RAD51B: variants seen among roughly 807,000 people sequenced by gnomAD.
RAD51B encodes the protein RAD51 paralog B, also known as DNA repair protein RAD51 homolog 2.
A neutral mutation model predicts 42.2 loss-of-function variants in RAD51B; 38 were observed. The ratio of observed to expected loss-of-function variants is 0.90; its 90% confidence interval spans 0.70 to 1.18. RAD51B has a LOEUF of 1.18. Among genes scored for constraint, RAD51B ranks in the 50% most tolerant of loss-of-function variants. RAD51B has a pLI of 0.00. For missense variants in RAD51B, 373 were observed against 400.7 expected (o/e 0.93, Z 0.59); for synonymous variants, 154 against 145.2 (o/e 1.06, Z -0.43).
chr14:68,548,068 G>A (rs1408114574), intron 10 of RAD51B, among the ~76,000 whole-genome samples: 1 of 152,186 alleles, frequency 6.6e-6, no homozygotes, highest in Non-Finnish European at 1.5e-5. Flanking sequence ...AGAGTTTAAG[G>A]GGAGGGAGGC....
At chr14:68,655,806 A>G (rs1238917945) in intron 11 of RAD51B, among the ~76,000 whole-genome samples, 1 of 152,224 alleles carries the variant, frequency 6.6e-6, no homozygotes, top group Non-Finnish European at 1.5e-5. Context: ...ACCAGCTTCC[A>G]TCTTACAGAT....
chr14:68,416,256 A>G (rs1045685365), intron 9 of RAD51B, among the ~76,000 whole-genome samples: 4 of 152,168 alleles, frequency 2.6e-5, no homozygotes, highest in Non-Finnish European at 5.9e-5. Flanking sequence ...TGTCCATTTT[A>G]TATTTTCGAA....
chr14:68,195,938 G>A (rs922476273), intron 7 of RAD51B, among the ~76,000 whole-genome samples: 2 of 149,120 alleles, frequency 1.3e-5, no homozygotes, highest in Admixed American at 1.3e-4. Context: ...ACAATTAGGG[G>A]CCAGGTGCAA....
At chr14:68,170,203 G>A (rs2078842907) in intron 7 of RAD51B, among the ~76,000 whole-genome samples, 2 of 152,314 alleles carry the variant, frequency 1.3e-5, no homozygotes, top group South Asian at 2.1e-4. Flanking sequence ...CTAGGAAAAT[G>A]TTGGTGGTTT....
intron 4 of RAD51B, among the ~76,000 whole-genome samples, chr14:67,852,832 G>T (rs952392604): frequency 6.6e-6 from 1 of 152,138 alleles, no homozygotes; most frequent in African/African-American, 2.4e-5. Context: ...AAATGTTGTA[G>T]TAGGCAGAAT....
chr14:68,663,630 C>T (rs1349454223), intron 11 of RAD51B, among the ~76,000 whole-genome samples: 1 of 152,190 alleles, frequency 6.6e-6, no homozygotes, highest in Non-Finnish European at 1.5e-5. Flanking sequence ...TGCCGTCTGT[C>T]TCCTGCCAGA....
At chr14:68,057,315 A>G (rs899860785) in intron 7 of RAD51B, among the ~76,000 whole-genome samples, 6 of 152,182 alleles carry the variant, frequency 3.9e-5, no homozygotes, top group Non-Finnish European at 7.3e-5. Flanking sequence ...ATTTTTTACC[A>G]TAATCATCAG....
intron 4 of RAD51B, among the ~76,000 whole-genome samples, chr14:67,852,367 G>A (rs955692019): frequency 5.1e-4 from 77 of 152,316 alleles, no homozygotes; most frequent in African/African-American, 1.8e-3. Flanking sequence ...GGGAACTCGG[G>A]GATCCAAGGT....
intron 9 of RAD51B, among the ~76,000 whole-genome samples, chr14:68,440,277 G>C (rs2085253925): frequency 6.6e-6 from 1 of 152,194 alleles, no homozygotes; most frequent in Non-Finnish European, 1.5e-5. Flanking sequence ...TTTCAAACAG[G>C]CTGTGGCTTT....
At chr14:68,648,667 GCACACAAACA>G (rs1417145476) in intron 10 of RAD51B, among the ~76,000 whole-genome samples, 1 of 74,676 alleles carries the variant, frequency 1.3e-5, no homozygotes, top group African/African-American at 5.2e-5. Context: ...AATGGTAAAA[GCACACAAACA>G]CACACACACA....
chr14:68,549,263 G>C (rs931628162), intron 10 of RAD51B, among the ~76,000 whole-genome samples: 2 of 151,942 alleles, frequency 1.3e-5, no homozygotes, highest in African/African-American at 4.8e-5. Flanking sequence ...GGGGAGGGAT[G>C]GGGGGAGAAA....
chr14:67,909,412 C>T (rs1362074067), intron 7 of RAD51B, among the ~76,000 whole-genome samples: 1 of 152,166 alleles, frequency 6.6e-6, no homozygotes, highest in East Asian at 1.9e-4. Context: ...TAGTACCAGC[C>T]TTTTGGAGGA....
At chr14:68,005,178 T>C (rs2075565186) in intron 7 of RAD51B, among the ~76,000 whole-genome samples, 2 of 150,702 alleles carry the variant, frequency 1.3e-5, no homozygotes, top group Non-Finnish European at 3.0e-5. Context: ...CTCAGGCTCC[T>C]GGGCAGCTGG....
rs982578727 is a variant in RAD51B at position 68,610,875 on chromosome 14, G to A, written c.1037-131G>A. On this transcript the variant is annotated intron_variant, in intron 10 of 10. Coordinates refer to the RAD51B transcript ENST00000487861. ...TGTGTGTGTGTGTGTGTGTGTGTGTGTGTGTGTGTGTCATCTCCCTAGTTG... is the reference window on the plus strand; with the variant it reads ...TGTGTGTGTGTGTGTGTGTGTGTGTATGTGTGTGTGTCATCTCCCTAGTTG... 3 of 582,826 alleles carry A rather than the reference G, an allele frequency of 5.1e-6. No homozygotes were observed. In the Admixed American group the frequency reaches 7.3e-5, roughly 14 times the overall value. The allele number at this position is 582,826 out of a possible 1,614,324, so 36.1% of individuals were successfully genotyped here.
chr14:68,531,601 GAAAATGTA>G (rs1284578751), intron 10 of RAD51B, among the ~76,000 whole-genome samples: 1 of 152,028 alleles, frequency 6.6e-6, no homozygotes, highest in Non-Finnish European at 1.5e-5. Context: ...CAAAAACTAA[GAAAATGTA>G]AAAATGTAAA....
chr14:68,052,677 A>G (rs757122045), intron 7 of RAD51B, among the ~76,000 whole-genome samples: 16 of 150,686 alleles, frequency 1.1e-4, no homozygotes, highest in African/African-American at 2.7e-4. Flanking sequence ...CTGGAGTGCA[A>G]TGGTGCCATC....
chr14:68,148,559 G>T (rs945753712), intron 7 of RAD51B, among the ~76,000 whole-genome samples: 25 of 152,070 alleles, frequency 1.6e-4, no homozygotes, highest in Admixed American at 7.2e-4. Flanking sequence ...ACACTTTTTT[G>T]ATTTTTCAAT....
intron 8 of RAD51B, among the ~76,000 whole-genome samples, chr14:68,372,675 G>T (rs2083287919): frequency 6.6e-6 from 1 of 152,136 alleles, no homozygotes; most frequent in Admixed American, 6.5e-5. Context: ...AGAAAGTTCT[G>T]TTTGGCTCTT....
chr14:68,584,317 G>A (rs1001742904), intron 10 of RAD51B, among the ~76,000 whole-genome samples: 3 of 152,182 alleles, frequency 2.0e-5, no homozygotes, highest in African/African-American at 7.2e-5. Flanking sequence ...GGCCACATAA[G>A]CCAATGGCTG....
Sources: gnomAD v4.1 joint callset for allele counts (sites outside exome capture counted in the v4.1 genomes callset) on GRCh38, gnomAD v4.1.1 for gene constraint, MANE v1.5 for transcripts, NCBI Gene and HGNC (gene_info 2026-07-23, HGNC 2026-07-21) for gene names.